The following FRYL variants were observed in gnomAD, a reference collection of about 807,000 sequenced individuals.
The protein encoded by FRYL is FRY like transcription coactivator, also known as protein furry homolog-like.
FRYL carries 150 observed loss-of-function variants against 351.2 expected under a neutral mutation model. That is an observed-to-expected ratio of 0.43 (90% confidence interval 0.37 to 0.49). FRYL has a LOEUF of 0.49. Ranked by LOEUF, FRYL falls within the 20% of genes least tolerant of loss-of-function variation. The pLI is 0.00. For synonymous variants in FRYL, 1,153 were observed against 1,257.1 expected, an observed-to-expected ratio of 0.92 and a Z score of 1.75; for missense variants, 3,036 against 3,619.3, an observed-to-expected ratio of 0.84 and a Z score of 4.13.
At chr4:48,754,208 C>T (rs1773535084) in intron 1 of FRYL, among the ~76,000 whole-genome samples, 1 of 152,176 alleles carries the variant, frequency 6.6e-6, no homozygotes, top group Admixed American at 6.5e-5. Flanking sequence ...GGTAACCACA[C>T]CACAAATTTG....
At chr4:48,532,528 T>G (rs767946602) in intron 49 of FRYL, among the ~76,000 whole-genome samples, 1 of 152,110 alleles carries the variant, frequency 6.6e-6, no homozygotes, top group Non-Finnish European at 1.5e-5. Context: ...CATGGTGGTA[T>G]GTGCCTCTAA....
intron 55 of FRYL, among the ~76,000 whole-genome samples, chr4:48,519,491 C>CTTT (rs869060152): frequency 4.1e-5 from 5 of 123,290 alleles, no homozygotes; most frequent in Non-Finnish European, 7.2e-5. Flanking sequence ...AATGTAATTT[C>CTTT]TTTTTTTTTT....
At chr4:48,581,035 T>C in intron 21 of FRYL, 84 bp from the exon 22 acceptor site, 1 of 747,184 alleles carries the variant, frequency 1.3e-6, no homozygotes, top group Non-Finnish European at 2.1e-6. Flanking sequence ...AAAAATTCAC[T>C]TCAGCACTAT....
intron 1 of FRYL, among the ~76,000 whole-genome samples, chr4:48,766,755 CT>C: frequency 6.6e-6 from 1 of 152,068 alleles, no homozygotes; most frequent in Middle Eastern, 3.4e-3. Flanking sequence ...ATTCTTTTTT[CT>C]TTTTTTGTAA....
intron 30 of FRYL, 50 bp from the exon 31 acceptor site, chr4:48,564,152 G>T: frequency 6.3e-7 from 1 of 1,599,496 alleles, no homozygotes; most frequent in Non-Finnish European, 8.5e-7. Context: ...TATATTTTTT[G>T]TCTATTTCCC....
At position 48,648,807 on chromosome 4, in the gene FRYL, A is replaced by C. The variant is rs1578516795; in HGVS notation, c.-80-14317T>G. ...ATGATTCCATGTATATGAAATGTCC[A>C]GAATAGACAAATCCGTAGTGACAGA... On this transcript the variant is annotated intron_variant, in intron 3 of 63. Coordinates refer to ENST00000358350, the MANE Select transcript of FRYL (RefSeq NM_015030.2). Among the ~76,000 whole-genome samples the C allele has an allele frequency of 1.4e-4, 21 of 152,346 alleles. No homozygotes were observed. In the South Asian group the frequency reaches 4.3e-3, roughly 32 times the overall value.
intron 3 of FRYL, among the ~76,000 whole-genome samples, chr4:48,661,686 T>C (rs1760753086): frequency 1.3e-5 from 2 of 152,200 alleles, no homozygotes; most frequent in African/African-American, 2.4e-5. Context: ...CTCAGCGATG[T>C]CACAAATGGC....
chr4:48,527,823 G>T, intron 52 of FRYL, 148 bp downstream of exon 52: 1 of 907,200 alleles, frequency 1.1e-6, no homozygotes, highest in Non-Finnish European at 1.7e-6. Context: ...TGGCTGCCAG[G>T]TGTCACAAGA....
At chr4:48,670,319 G>C (rs1762446608) in intron 3 of FRYL, among the ~76,000 whole-genome samples, 1 of 151,876 alleles carries the variant, frequency 6.6e-6, no homozygotes, top group African/African-American at 2.4e-5. Flanking sequence ...TGTAATCCCA[G>C]CTACTTGGAA....
At position 48,778,452 on chromosome 4, in the gene FRYL, G is replaced by A. The variant is rs111448210; in HGVS notation, c.-384+1626C>T. The stretch of plus-strand genomic sequence containing the variant: ...GATGGAATGCTATTTTTGATAATGA[G>A]TAGCAGAAAAAAGACCAGAGAATAA... On this transcript the variant is annotated intron_variant, in intron 1 of 63. Transcript: ENST00000358350. 7.5e-3 allele frequency among the ~76,000 whole-genome samples: 1,138 copies of A among 152,248 alleles called. 11 individuals are homozygous for A. The highest frequency in any genetic ancestry group is 9.7e-3 in the Non-Finnish European group (662 of 68,014).
chr4:48,744,830 C>T (rs1267564746), intron 1 of FRYL, among the ~76,000 whole-genome samples: 1 of 152,056 alleles, frequency 6.6e-6, no homozygotes, highest in Non-Finnish European at 1.5e-5. Flanking sequence ...TTATGAAATC[C>T]TCAATATCTC....
intron 53 of FRYL, 143 bp downstream of exon 53, chr4:48,527,334 G>T (rs1726483709): frequency 4.2e-6 from 2 of 474,006 alleles, no homozygotes; most frequent in Non-Finnish European, 3.7e-6. Context: ...TTGACTAATT[G>T]TGGTAATCAA....
chr4:48,599,937 G>C (rs577442091), intron 13 of FRYL, among the ~76,000 whole-genome samples: 3 of 151,880 alleles, frequency 2.0e-5, no homozygotes, highest in African/African-American at 7.3e-5. Flanking sequence ...GTGAAACCCC[G>C]TCTGTACTAA....
chr4:48,578,776 T>A (rs1012043518), intron 23 of FRYL, among the ~76,000 whole-genome samples, 197 bp downstream of exon 23: 2 of 152,234 alleles, frequency 1.3e-5, no homozygotes, highest in African/African-American at 4.8e-5. Flanking sequence ...TTGGTGAGAC[T>A]GTATTACATG....
intron 47 of FRYL, among the ~76,000 whole-genome samples, chr4:48,538,703 GT>G (rs2148920217): frequency 6.6e-6 from 1 of 151,388 alleles, no homozygotes; most frequent in African/African-American, 2.4e-5. Flanking sequence ...GTTCTCTTCT[GT>G]AGAAAAAAAC....
intron 1 of FRYL, among the ~76,000 whole-genome samples, chr4:48,760,212 A>T (rs1774255387): frequency 6.6e-6 from 1 of 151,808 alleles, no homozygotes. Context: ...CCCAGGCTGG[A>T]GTGCAGTAGT....
In FRYL at chr4:48,527,626, C is replaced by T; in HGVS notation, c.7168G>A (p.Glu2390Lys). The stretch of plus-strand genomic sequence containing the variant: ...AGGCTAGTCTGTTGGTCACCGACTT[C>T]CAAATCCTCATTAGAAGAAAATACA... ...SVVFSSNEDLEVGDQQTSLIS... is the reference protein window; with the variant it reads ...SVVFSSNEDLKVGDQQTSLIS... The change falls in exon 53 of 64, where the codon GAA becomes AAA. Residue 2390 changes from glutamate (E) to lysine (K), a missense_variant. By Grantham distance (56) the Glu-to-Lys change is moderately conservative. Around this residue, in one of 7 missense-constraint regions of FRYL, gnomAD observed 1,987 missense variants for 2,311.7 expected, o/e 0.86. Transcript: ENST00000358350. The T allele has an allele frequency of 6.2e-7, 1 of 1,609,092 alleles. No homozygotes were observed. The highest frequency in any genetic ancestry group is 8.5e-7 in the Non-Finnish European group (1 of 1,178,160).
chr4:48,557,843 T>C (rs1448862079), intron 33 of FRYL, 131 bp from the exon 34 acceptor site: 12 of 1,021,800 alleles, frequency 1.2e-5, no homozygotes, highest in South Asian at 1.7e-5. Context: ...ATGAGTATTG[T>C]TTTTCCTTTT....
intron 1 of FRYL, among the ~76,000 whole-genome samples, chr4:48,779,449 C>T (rs1425293696): frequency 2.6e-5 from 4 of 152,152 alleles, no homozygotes; most frequent in African/African-American, 9.6e-5. Context: ...GGACCGCGAG[C>T]AGTGGGCGGA....
Sources: allele counts gnomAD v4.1 joint callset (sites outside exome capture counted in the v4.1 genomes callset), GRCh38; gene constraint gnomAD v4.1.1; regional missense constraint gnomAD v4.1.1; transcripts MANE v1.5; gene names NCBI Gene and HGNC (gene_info 2026-07-23, HGNC 2026-07-21).